The following WDPCP variants were observed in gnomAD, a reference collection of about 807,000 sequenced individuals.
WDPCP encodes WD repeat containing planar cell polarity effector.
Under a neutral mutation model 93.1 loss-of-function variants are expected in WDPCP, and 71 were observed. The ratio of observed to expected loss-of-function variants is 0.76; its 90% CI spans 0.63 to 0.93. The LOEUF is 0.93. Ranked by LOEUF, WDPCP falls within the 40% of genes least tolerant of loss-of-function variation. The pLI is 0.00. For missense variants in WDPCP, 844 were observed against 887.4 expected, an observed-to-expected ratio of 0.95 and a Z score of 0.62; for synonymous variants, 315 against 315.0, an observed-to-expected ratio of 1.00 and a Z score of 0.00.
chr2:63,446,737 A>G (rs1697893326), intron 6 of WDPCP, among the ~76,000 whole-genome samples: 1 of 152,208 alleles, frequency 6.6e-6, no homozygotes, highest in Non-Finnish European at 1.5e-5. Context: ...GACTAATGCT[A>G]CTTTTCAAGA....
At chr2:63,204,464 C>T (rs1325802137) in intron 14 of WDPCP, among the ~76,000 whole-genome samples, 2 of 151,038 alleles carry the variant, frequency 1.3e-5, no homozygotes, top group Non-Finnish European at 2.9e-5. Context: ...GCCTCAGCCT[C>T]CCGAGTAGCT....
intron 2 of WDPCP, among the ~76,000 whole-genome samples, chr2:63,708,832 G>C (rs932388787): frequency 7.9e-5 from 12 of 151,730 alleles, no homozygotes; most frequent in Admixed American, 6.6e-4. Context: ...GAATGGTCTG[G>C]ATCTCCTGAC....
rs1272405822 is a variant in WDPCP, at chr2:63,453,299, T to G, written c.385-13428A>C. ...GTGGGCAAAGGATATGAACCGACAC[T>G]TCTCAAAAGAAGACATTTATGCAGC... On this transcript the variant is annotated intron_variant, in intron 6 of 17. Transcript: ENST00000272321. 2.6e-5 allele frequency among the ~76,000 whole-genome samples: 4 copies of G among 152,150 alleles called. No homozygotes were observed. In the South Asian group the frequency reaches 6.2e-4, roughly 24 times the overall value.
chr2:63,278,011 C>T (rs1017110545), intron 13 of WDPCP, among the ~76,000 whole-genome samples: 1 of 152,120 alleles, frequency 6.6e-6, no homozygotes, highest in African/African-American at 2.4e-5. Flanking sequence ...ATATGACAGG[C>T]CACAAAACAA....
intron 2 of WDPCP, among the ~76,000 whole-genome samples, chr2:63,655,503 T>C (rs1307005542): frequency 1.3e-5 from 2 of 152,152 alleles, no homozygotes; most frequent in Non-Finnish European, 2.9e-5. Context: ...TAGAGATCTT[T>C]CCATCTCAGT....
chr2:63,585,858 A>G (rs2106567985), intron 1 of WDPCP, among the ~76,000 whole-genome samples: 1 of 139,566 alleles, frequency 7.2e-6, no homozygotes, highest in African/African-American at 2.7e-5. Flanking sequence ...TTTTTTTGAG[A>G]CAGGATCTCC....
chr2:63,731,486 C>A (rs901871818), intron 2 of WDPCP, among the ~76,000 whole-genome samples: 2 of 152,156 alleles, frequency 1.3e-5, no homozygotes, highest in East Asian at 1.9e-4. Flanking sequence ...ATTTTCATCA[C>A]CCCACAAGGC....
At chr2:63,675,605 T>C (rs1208100210) in intron 2 of WDPCP, among the ~76,000 whole-genome samples, 1 of 152,174 alleles carries the variant, frequency 6.6e-6, no homozygotes, top group Non-Finnish European at 1.5e-5. Context: ...TAAATTATGC[T>C]TAGTCCTCCA....
At chr2:63,453,423 T>A (rs991409189) in intron 6 of WDPCP, among the ~76,000 whole-genome samples, 1 of 152,112 alleles carries the variant, frequency 6.6e-6, no homozygotes, top group Non-Finnish European at 1.5e-5. Flanking sequence ...AGAATGGCAA[T>A]CATTAAAACG....
At chr2:63,379,663 T>C (rs1483261450) in intron 11 of WDPCP, among the ~76,000 whole-genome samples, 1 of 152,170 alleles carries the variant, frequency 6.6e-6, no homozygotes, top group Non-Finnish European at 1.5e-5. Flanking sequence ...GTAGATTCAT[T>C]AGATAGCCCA....
At chr2:63,684,438 G>C (rs1668777256) in intron 2 of WDPCP, 1 of 850,678 alleles carries the variant, frequency 1.2e-6, no homozygotes. Context: ...CTGGTGGCTG[G>C]AATTGACTGC....
chr2:63,136,560 G>A (rs930345217), intron 17 of WDPCP, among the ~76,000 whole-genome samples: 14 of 151,962 alleles, frequency 9.2e-5, no homozygotes, highest in African/African-American at 2.4e-4. Flanking sequence ...TTAACTTTTC[G>A]GTTCAGGAAT....
At chr2:63,160,915 T>C (rs1672598573) in intron 15 of WDPCP, among the ~76,000 whole-genome samples, 1 of 152,184 alleles carries the variant, frequency 6.6e-6, no homozygotes, top group South Asian at 2.1e-4. Flanking sequence ...CTACTATGCA[T>C]TACTTGGGAC....
chr2:63,491,949 G>C (rs1033802694), intron 2 of WDPCP, among the ~76,000 whole-genome samples: 1 of 152,028 alleles, frequency 6.6e-6, no homozygotes, highest in East Asian at 1.9e-4. Context: ...CCCCTCTGTC[G>C]AAAGGGTTTA....
At chr2:63,531,109 TC>T (rs1403039706) in intron 1 of WDPCP, among the ~76,000 whole-genome samples, 1 of 152,122 alleles carries the variant, frequency 6.6e-6, no homozygotes. Flanking sequence ...CAGTCCAAGA[TC>T]GAACTGTGAG....
chr2:63,574,572 G>A (rs187247232), intron 1 of WDPCP, among the ~76,000 whole-genome samples: 1 of 152,216 alleles, frequency 6.6e-6, no homozygotes, highest in Non-Finnish European at 1.5e-5. Flanking sequence ...TACCCTCACA[G>A]AATTTCCATC....
intron 14 of WDPCP, among the ~76,000 whole-genome samples, chr2:63,241,542 C>T (rs1292715711): frequency 6.6e-6 from 1 of 152,058 alleles, no homozygotes; most frequent in Non-Finnish European, 1.5e-5. Flanking sequence ...TACCTTCATC[C>T]ATGTATCACC....
chr2:63,594,603 A>G (rs1207682146), intron 3 of WDPCP: 6 of 1,538,438 alleles, frequency 3.9e-6, no homozygotes, highest in Non-Finnish European at 5.4e-6. Flanking sequence ...ACAGGTGTCT[A>G]TAAATCTTAA....
chr2:63,482,434 G>C (rs76832361), intron 6 of WDPCP, among the ~76,000 whole-genome samples: 11 of 152,068 alleles, frequency 7.2e-5, no homozygotes, highest in Non-Finnish European at 1.6e-4. Context: ...GTGCACAAAA[G>C]GAGGTCCCTT....
Sources: allele counts gnomAD v4.1 joint callset (sites outside exome capture counted in the v4.1 genomes callset), GRCh38; gene constraint gnomAD v4.1.1; transcripts MANE v1.5; gene names NCBI Gene and HGNC (gene_info 2026-07-23, HGNC 2026-07-21).